PYGO1: variants seen among roughly 807,000 people sequenced by gnomAD.
PYGO1 encodes pygopus homolog 1.
In PYGO1, 6 loss-of-function variants were observed where a neutral mutation model predicts 29.5. That is an observed-to-expected ratio of 0.20 (90% CI 0.11 to 0.40). PYGO1 has a LOEUF of 0.40. PYGO1 is among the 10% of genes least tolerant of loss of function. The probability of loss-of-function intolerance (pLI) is 1.00; values close to 1 mark genes in which losing one functional copy is unlikely to be tolerated. For missense variants in PYGO1, 515 were observed against 514.9 expected, an observed-to-expected ratio of 1.00 and a Z score of 0.00; for synonymous variants, 186 against 180.5, an observed-to-expected ratio of 1.03 and a Z score of -0.24.
In PYGO1 at chr15:55,588,146, G is replaced by A. The variant is rs894994208; in HGVS notation, c.-263C>T. ...TGGCCGGGAGCGCGGCCTGGGGGCG[G>A]CCCCCCACCCGGGGCCGGCATGTGC... On this transcript the variant is annotated 5_prime_UTR_variant, in exon 1 of 3. Transcript: ENST00000563719. 2.9e-6 allele frequency: 2 copies of A among 685,946 alleles called. No individual in the cohort carries two copies. Among genetic ancestry groups the A allele is most frequent in the Admixed American group, 6.4e-5 (1 of 15,518 alleles). 42.5% of individuals were successfully genotyped at this position (685,946 alleles called of 1,614,324 possible).
intron 1 of PYGO1, among the ~76,000 whole-genome samples, chr15:55,560,994 T>C (rs998397795): frequency 1.3e-5 from 2 of 151,884 alleles, no homozygotes; most frequent in African/African-American, 4.8e-5. Flanking sequence ...TACTTTAAAG[T>C]TCATATGGAA....
At chr15:55,550,815 T>C (rs77465157) in intron 1 of PYGO1, among the ~76,000 whole-genome samples, 2,793 of 152,310 alleles carry the variant, frequency 0.018, 80 homozygotes, top group African/African-American at 0.064. Flanking sequence ...TATTTGCTGA[T>C]TGACATGTTT....
intron 2 of PYGO1, among the ~76,000 whole-genome samples, chr15:55,548,524 G>A (rs1369798127): frequency 1.3e-5 from 2 of 151,306 alleles, no homozygotes; most frequent in Non-Finnish European, 2.9e-5. Context: ...TGATCAACAT[G>A]GTGAAAGCCC....
intron 1 of PYGO1, among the ~76,000 whole-genome samples, chr15:55,573,493 C>A (rs556554536): frequency 2.6e-5 from 4 of 152,274 alleles, no homozygotes; most frequent in African/African-American, 9.6e-5. Flanking sequence ...TCTGGATATA[C>A]ACCCAAAGGA....
chr15:55,576,613 G>C (rs1016030037), intron 1 of PYGO1, among the ~76,000 whole-genome samples: 8 of 145,086 alleles, frequency 5.5e-5, no homozygotes, highest in African/African-American at 2.1e-4. Context: ...TCTACTAAAA[G>C]TACAAAAATT....
chr15:55,553,032 T>G (rs185150997), intron 1 of PYGO1, among the ~76,000 whole-genome samples: 1 of 152,300 alleles, frequency 6.6e-6, no homozygotes, highest in East Asian at 1.9e-4. Context: ...ATCTCTGCAG[T>G]TGACTCAGCT....
chr15:55,556,225 A>G (rs773153307), intron 1 of PYGO1, among the ~76,000 whole-genome samples: 2 of 152,202 alleles, frequency 1.3e-5, no homozygotes, highest in African/African-American at 2.4e-5. Flanking sequence ...GACACATGGC[A>G]CTTACTCTAA....
chr15:55,566,032 C>T (rs1029401352), intron 1 of PYGO1, among the ~76,000 whole-genome samples: 2 of 152,184 alleles, frequency 1.3e-5, no homozygotes, highest in Non-Finnish European at 1.5e-5. Flanking sequence ...CAGCCTGCCT[C>T]GGCCTCCCAA....
intron 1 of PYGO1, among the ~76,000 whole-genome samples, chr15:55,575,469 A>C (rs1231939974): frequency 6.6e-6 from 1 of 151,448 alleles, no homozygotes; most frequent in Non-Finnish European, 1.5e-5. Flanking sequence ...TGCTCATTAT[A>C]AAGAAGTATA....
rs1469339478 is a variant in PYGO1 at position 55,540,747 on chromosome 15, G to C, written c.*5276C>G. The stretch of plus-strand genomic sequence containing the variant: ...AATTTTGCCACAGACCACAGCACTA[G>C]TGCATGTGTTACTTTAGACATGTTC... On this transcript the variant is annotated 3_prime_UTR_variant, in exon 3 of 3. Transcript: ENST00000563719. The C allele has an allele frequency of 1.3e-5, 2 of 152,076 alleles. No individual in the cohort carries two copies. Among genetic ancestry groups the C allele is most frequent in the African/African-American group, 4.8e-5 (2 of 41,410 alleles). 9.4% of individuals were successfully genotyped at this position (152,076 alleles called of 1,614,324 possible).
intron 1 of PYGO1, among the ~76,000 whole-genome samples, chr15:55,586,907 T>C (rs1180064707): frequency 6.6e-6 from 1 of 152,234 alleles, no homozygotes; most frequent in East Asian, 1.9e-4. Flanking sequence ...CTACTGTTTA[T>C]CATTTGTTTA....
At position 55,546,016 on chromosome 15, in the gene PYGO1, C is replaced by G. The variant is rs751652504; in HGVS notation, c.*7G>C. On this transcript the variant is annotated 3_prime_UTR_variant, in exon 3 of 3. Coordinates refer to ENST00000563719, the MANE Select transcript of PYGO1 (RefSeq NM_001367806.1). Reference sequence around the variant, plus strand: ...GAAAATAAACCCACTTTAGTTAATGCCTTTGATTAAGCATCACTGCCCACT... The same window carrying G: ...GAAAATAAACCCACTTTAGTTAATGGCTTTGATTAAGCATCACTGCCCACT... 5.1e-6 allele frequency: 8 copies of G among 1,583,346 alleles called. No homozygotes were observed. The highest frequency in any genetic ancestry group is 6.9e-6 in the Non-Finnish European group (8 of 1,161,264).
At chr15:55,572,710 T>C (rs1244471058) in intron 1 of PYGO1, among the ~76,000 whole-genome samples, 1 of 152,012 alleles carries the variant, frequency 6.6e-6, no homozygotes, top group African/African-American at 2.4e-5. Flanking sequence ...CAATGCTTAA[T>C]CAATGGAGAA....
chr15:55,562,656 G>A (rs1424029656), intron 1 of PYGO1, among the ~76,000 whole-genome samples: 1 of 129,208 alleles, frequency 7.7e-6, no homozygotes, highest in Non-Finnish European at 1.6e-5. Flanking sequence ...GGGTGACAGA[G>A]CAAGACTCCA....
intron 1 of PYGO1, among the ~76,000 whole-genome samples, chr15:55,584,083 T>C (rs762339051): frequency 3.3e-5 from 5 of 151,378 alleles, no homozygotes; most frequent in Non-Finnish European, 5.9e-5. Context: ...GACTTAACAA[T>C]TTCTTGAAGA....
At position 55,547,141 on chromosome 15, in the gene PYGO1, A is replaced by T; in HGVS notation, c.142T>A (p.Ser48Thr). The T allele has an allele frequency of 6.3e-7, 1 of 1,589,872 alleles. No homozygotes were observed. The highest frequency in any genetic ancestry group is 8.6e-7 in the Non-Finnish European group (1 of 1,168,756). Residue 48 changes from serine to threonine, a missense_variant, in exon 3 of 3, where the codon TCT (serine) becomes ACT (threonine). Physicochemically the swap from Ser to Thr is moderately conservative, Grantham distance 58. Transcript: ENST00000563719. ...KKRKANTQGP[S>T]FPPLSEYAPP... ...GCATACTCAGACAATGGAGGGAAAG[A>T]AGGTCCCTGAAATGAGAATGTAAAG... is the stretch of plus-strand genomic sequence containing the variant.
chr15:55,585,924 GAA>G (rs972907387), intron 1 of PYGO1, among the ~76,000 whole-genome samples: 3 of 152,106 alleles, frequency 2.0e-5, no homozygotes, highest in African/African-American at 7.2e-5. Context: ...ACCACAAACA[GAA>G]AAAGACAATT....
At chr15:55,585,158 T>C (rs969823896) in intron 1 of PYGO1, among the ~76,000 whole-genome samples, 14 of 152,264 alleles carry the variant, frequency 9.2e-5, no homozygotes, top group African/African-American at 3.4e-4. Context: ...TAATAATTCA[T>C]GTAATTGCTA....
intron 1 of PYGO1, among the ~76,000 whole-genome samples, chr15:55,582,279 A>T (rs2059028430): frequency 6.6e-6 from 1 of 151,202 alleles, no homozygotes. Context: ...GGAGTAGGGG[A>T]TGGATAAAGA....
Sources: gnomAD v4.1 joint callset for allele counts (sites outside exome capture counted in the v4.1 genomes callset) on GRCh38, gnomAD v4.1.1 for gene constraint, MANE v1.5 for transcripts, NCBI Gene and HGNC (gene_info 2026-07-23, HGNC 2026-07-21) for gene names.